The following KCNIP1 variants were observed in gnomAD, a reference collection of about 807,000 sequenced individuals.
The protein encoded by KCNIP1 is potassium voltage-gated channel interacting protein 1.
In KCNIP1, 18 loss-of-function variants were observed where a neutral mutation model predicts 33.0. The ratio of observed to expected loss-of-function variants is 0.55; its 90% CI spans 0.38 to 0.81. The LOEUF is 0.81. Ranked by LOEUF, KCNIP1 falls within the 30% of genes least tolerant of loss-of-function variation. The pLI is 0.00. For missense variants in KCNIP1, 238 were observed against 271.6 expected (o/e 0.88, Z 0.87); for synonymous variants, 93 against 98.3 (o/e 0.95, Z 0.32).
intron 1 of KCNIP1, among the ~76,000 whole-genome samples, chr5:170,662,143 A>G (rs2113750201): frequency 6.6e-6 from 1 of 152,254 alleles, no homozygotes; most frequent in South Asian, 2.1e-4. Flanking sequence ...GGTAGCTTCT[A>G]TTTTTCTATA....
chr5:170,528,084 T>A (rs956477872), intron 1 of KCNIP1, among the ~76,000 whole-genome samples: 3 of 152,146 alleles, frequency 2.0e-5, no homozygotes, highest in Non-Finnish European at 4.4e-5. Context: ...GCCTCAAGGA[T>A]TGACTGCAGT....
chr5:170,685,264 C>G (rs533680840), intron 1 of KCNIP1, among the ~76,000 whole-genome samples: 2 of 151,722 alleles, frequency 1.3e-5, no homozygotes, highest in South Asian at 4.2e-4. Context: ...AAAGGGACAT[C>G]CAGAGTTGCC....
intron 3 of KCNIP1, 150 bp from the exon 4 acceptor site, chr5:170,721,683 G>A (rs1317357167): frequency 3.9e-6 from 6 of 1,546,938 alleles, no homozygotes; most frequent in Admixed American, 3.6e-5. Context: ...CCAAAGAGTT[G>A]AGTCAATGGG....
chr5:170,370,773 G>T (rs1220548285), intron 1 of KCNIP1, among the ~76,000 whole-genome samples: 1 of 152,224 alleles, frequency 6.6e-6, no homozygotes, highest in Non-Finnish European at 1.5e-5. Flanking sequence ...TCCTCCCACA[G>T]CTCAGACTGC....
At chr5:170,355,732 G>C (rs1422442799) in intron 1 of KCNIP1, among the ~76,000 whole-genome samples, 1 of 152,246 alleles carries the variant, frequency 6.6e-6, no homozygotes, top group Non-Finnish European at 1.5e-5. Flanking sequence ...CAAGGAACCA[G>C]CTGGAGAGTC....
At chr5:170,629,389 C>T (rs1352320440) in intron 1 of KCNIP1, among the ~76,000 whole-genome samples, 1 of 152,176 alleles carries the variant, frequency 6.6e-6, no homozygotes, top group Non-Finnish European at 1.5e-5. Context: ...GGGACTCCTC[C>T]CCCAGGACCT....
At chr5:170,369,868 A>C (rs7726630) in intron 1 of KCNIP1, among the ~76,000 whole-genome samples, 1 of 152,062 alleles carries the variant, frequency 6.6e-6, no homozygotes, top group South Asian at 2.1e-4. Context: ...GGCCAGGCCT[A>C]TTATTATCAC....
chr5:170,613,981 C>T (rs149209114), intron 1 of KCNIP1, among the ~76,000 whole-genome samples: 1 of 152,296 alleles, frequency 6.6e-6, no homozygotes, highest in Non-Finnish European at 1.5e-5. Flanking sequence ...GGCCCCAGCT[C>T]CGGTGTCTAC....
intron 1 of KCNIP1, among the ~76,000 whole-genome samples, chr5:170,355,497 CTAG>C (rs1411104525): frequency 1.3e-5 from 2 of 152,162 alleles, no homozygotes; most frequent in Admixed American, 6.5e-5. Context: ...CACCTGCAGT[CTAG>C]TGGCGACCCA....
intron 1 of KCNIP1, among the ~76,000 whole-genome samples, chr5:170,401,941 G>A (rs1361214142): frequency 1.3e-5 from 2 of 152,146 alleles, no homozygotes; most frequent in East Asian, 3.9e-4. Context: ...GAGGCCAGAA[G>A]TTCAAAATCA....
At chr5:170,380,144 T>C (rs1203083011) in intron 1 of KCNIP1, among the ~76,000 whole-genome samples, 2 of 152,292 alleles carry the variant, frequency 1.3e-5, no homozygotes, top group East Asian at 3.9e-4. Context: ...CGTTGATTAT[T>C]GTTATTAGGA....
chr5:170,547,301 G>A (rs1756449755), intron 1 of KCNIP1, among the ~76,000 whole-genome samples: 1 of 152,100 alleles, frequency 6.6e-6, no homozygotes, highest in Non-Finnish European at 1.5e-5. Flanking sequence ...AACTATCTAA[G>A]AGTTTACTAA....
chr5:170,431,342 G>A (rs372353623), intron 1 of KCNIP1, among the ~76,000 whole-genome samples: 7 of 152,256 alleles, frequency 4.6e-5, no homozygotes, highest in African/African-American at 1.2e-4. Context: ...CCATTCATTC[G>A]TCTTCTTAAA....
intron 1 of KCNIP1, among the ~76,000 whole-genome samples, chr5:170,634,081 G>A (rs1214421887): frequency 1.3e-5 from 2 of 152,128 alleles, no homozygotes; most frequent in African/African-American, 4.8e-5. Context: ...GACCAAAGTT[G>A]AGGTGAGACA....
At chr5:170,604,901 G>A (rs1758845496) in intron 1 of KCNIP1, among the ~76,000 whole-genome samples, 1 of 152,244 alleles carries the variant, frequency 6.6e-6, no homozygotes, top group Non-Finnish European at 1.5e-5. Flanking sequence ...CAACAAAAAA[G>A]AGGCCATTTG....
intron 1 of KCNIP1, among the ~76,000 whole-genome samples, chr5:170,573,954 C>T (rs776888550): frequency 4.9e-4 from 75 of 152,336 alleles, no homozygotes; most frequent in Non-Finnish European, 8.1e-4. Flanking sequence ...TGTTCAAGTT[C>T]TTGGATTGCA....
intron 1 of KCNIP1, among the ~76,000 whole-genome samples, chr5:170,682,430 C>G (rs1581494152): frequency 6.6e-6 from 1 of 152,278 alleles, no homozygotes; most frequent in East Asian, 1.9e-4. Flanking sequence ...AGCATGTTAG[C>G]CCTGTATGTA....
At chr5:170,526,211 C>T (rs563390226) in intron 1 of KCNIP1, among the ~76,000 whole-genome samples, 1 of 152,328 alleles carries the variant, frequency 6.6e-6, no homozygotes, top group East Asian at 1.9e-4. Flanking sequence ...TAAAGTTCAA[C>T]CTACATGCTG....
At chr5:170,703,745 C>T (rs1763172985) in intron 1 of KCNIP1, among the ~76,000 whole-genome samples, 1 of 138,396 alleles carries the variant, frequency 7.2e-6, no homozygotes, top group African/African-American at 2.6e-5. Context: ...CAGATATTCC[C>T]TGGGCCACTG....
Sources: gnomAD v4.1 joint callset for allele counts (sites outside exome capture counted in the v4.1 genomes callset) on GRCh38, gnomAD v4.1.1 for gene constraint, MANE v1.5 for transcripts, NCBI Gene and HGNC (gene_info 2026-07-23, HGNC 2026-07-21) for gene names.